The following UNC13C variants were observed in gnomAD, a reference collection of about 807,000 sequenced individuals.
UNC13C encodes the protein protein unc-13 homolog C.
In UNC13C, 174 loss-of-function variants were observed where a neutral mutation model predicts 245.4. The observed-to-expected ratio is 0.71, with a 90% CI of 0.63 to 0.80. The LOEUF is 0.80. UNC13C is among the 30% of genes least tolerant of loss of function. UNC13C has a pLI of 0.00. For missense variants in UNC13C, 2,829 were observed against 2,602.9 expected (o/e 1.09, Z -1.89); for synonymous variants, 992 against 895.1 (o/e 1.11, Z -1.93).
At chr15:54,331,764 A>G (rs1300471962) in intron 14 of UNC13C, among the ~76,000 whole-genome samples, 1 of 152,098 alleles carries the variant, frequency 6.6e-6, no homozygotes, top group Non-Finnish European at 1.5e-5. Context: ...ATCTCTTTCT[A>G]CAAAATGCAA....
intron 17 of UNC13C, among the ~76,000 whole-genome samples, chr15:54,373,951 G>C (rs911225469): frequency 4.6e-5 from 7 of 152,064 alleles, no homozygotes; most frequent in Admixed American, 4.6e-4. Flanking sequence ...CCATAGGCAG[G>C]CCATCCTGTC....
At chr15:54,167,498 C>G (rs1490637742) in intron 4 of UNC13C, among the ~76,000 whole-genome samples, 1 of 54,704 alleles carries the variant, frequency 1.8e-5, no homozygotes, top group East Asian at 4.1e-4. Context: ...CGACACTCGT[C>G]TCAAAAAAAA....
At chr15:54,079,280 A>G (rs1898807922) in intron 2 of UNC13C, among the ~76,000 whole-genome samples, 1 of 151,966 alleles carries the variant, frequency 6.6e-6, no homozygotes, top group Admixed American at 6.6e-5. Context: ...GCGTAGGATT[A>G]CTTTGGCTAT....
Position 54,014,582 on chromosome 15 carries a change from A to C in UNC13C, c.1679A>C (p.Tyr560Ser), listed in dbSNP as rs757686520. Residue 560 changes from tyrosine to serine, a missense_variant, in exon 2 of 33, where the codon TAC becomes TCC. Transcript: ENST00000260323. ...GATTTTTCCAAATTGTGTCAGTCTT[A>C]CTCAGAAGATTTTTCAGAAAATCAG... ...ESDFSKLCQS[Y>S]SEDFSENQFF... The C allele has an allele frequency of 6.2e-7, 1 of 1,613,720 alleles. No homozygotes were observed. The highest frequency in any genetic ancestry group is 8.5e-7 in the Non-Finnish European group (1 of 1,179,808).
chr15:54,335,764 T>C (rs966174816), intron 16 of UNC13C, among the ~76,000 whole-genome samples: 6 of 152,176 alleles, frequency 3.9e-5, no homozygotes, highest in Admixed American at 2.6e-4. Context: ...CATTCCCTCA[T>C]TGAGAGATGT....
chr15:54,331,074 G>A (rs1206100642), intron 14 of UNC13C, among the ~76,000 whole-genome samples: 3 of 152,004 alleles, frequency 2.0e-5, no homozygotes, highest in Non-Finnish European at 2.9e-5. Context: ...AGGCATAAGA[G>A]TTATATACCC....
chr15:54,595,531 A>G (rs763450789), intron 30 of UNC13C, among the ~76,000 whole-genome samples: 7 of 152,162 alleles, frequency 4.6e-5, no homozygotes, highest in Non-Finnish European at 8.8e-5. Flanking sequence ...TTCACAGTGC[A>G]AGCCTCCACA....
intron 2 of UNC13C, among the ~76,000 whole-genome samples, chr15:54,068,846 T>G (rs1448766894): frequency 6.6e-6 from 1 of 152,192 alleles, no homozygotes; most frequent in Non-Finnish European, 1.5e-5. Context: ...GAGGGCAAAC[T>G]ACAGGATTAG....
chr15:54,466,405 T>A (rs1445700307), intron 19 of UNC13C, among the ~76,000 whole-genome samples: 1 of 151,986 alleles, frequency 6.6e-6, no homozygotes, highest in South Asian at 2.1e-4. Context: ...TCATTTCACA[T>A]AGTATGCATG....
At chr15:54,143,175 G>C (rs1315655957) in intron 3 of UNC13C, 135 bp downstream of exon 3, 1 of 892,718 alleles carries the variant, frequency 1.1e-6, no homozygotes, top group Non-Finnish European at 1.8e-6. Flanking sequence ...TCCATTATTT[G>C]GTTGTCCTTT....
intron 19 of UNC13C, among the ~76,000 whole-genome samples, chr15:54,460,662 C>A (rs2141024869): frequency 6.6e-6 from 1 of 152,328 alleles, no homozygotes; most frequent in Non-Finnish European, 1.5e-5. Flanking sequence ...GAGTTTACGT[C>A]CTTTGTCTTC....
the UNC13C span, among the ~76,000 whole-genome samples, chr15:53,885,157 G>A: frequency 6.6e-6 from 1 of 152,212 alleles, no homozygotes; most frequent in Non-Finnish European, 1.5e-5. Context: ...CGCCTTGTCA[G>A]GCTCAGTTCT....
chr15:53,883,522 A>G, the UNC13C span, among the ~76,000 whole-genome samples: 10 of 152,202 alleles, frequency 6.6e-5, no homozygotes, highest in East Asian at 5.8e-4. Context: ...CCAAATGCCA[A>G]TCGGGTCTAT....
chr15:54,549,822 G>A (rs1896656765), intron 28 of UNC13C, 131 bp downstream of exon 28: 2 of 598,414 alleles, frequency 3.3e-6, no homozygotes, highest in Admixed American at 6.5e-5. Context: ...TTCACAATCT[G>A]CTTTAGGAAT....
At chr15:54,306,818 C>G (rs181685768) in intron 13 of UNC13C, among the ~76,000 whole-genome samples, 86 of 152,046 alleles carry the variant, frequency 5.7e-4, no homozygotes, top group Admixed American at 5.1e-3. Flanking sequence ...GTAATGTACC[C>G]TGGCACTGAC....
intron 4 of UNC13C, among the ~76,000 whole-genome samples, chr15:54,162,616 C>A (rs986758071): frequency 1.3e-5 from 2 of 152,182 alleles, no homozygotes; most frequent in African/African-American, 2.4e-5. Flanking sequence ...TCCATTGAGA[C>A]CAGCTCCAGG....
At chr15:54,005,512 G>C (rs1183586594) in intron 1 of UNC13C, among the ~76,000 whole-genome samples, 1 of 152,108 alleles carries the variant, frequency 6.6e-6, no homozygotes, top group African/African-American at 2.4e-5. Flanking sequence ...AAACATTAAT[G>C]TAATCTATAA....
At chr15:53,885,330 C>T in the UNC13C span, among the ~76,000 whole-genome samples, 799 of 152,310 alleles carry the variant, frequency 5.2e-3, 3 homozygotes, top group African/African-American at 0.019. Context: ...TCTTCCAAAG[C>T]AAGCCATTAA....
chr15:54,300,261 C>T lies in UNC13C; in HGVS notation c.4156C>T (p.Pro1386Ser), dbSNP rs181205138. The change falls in exon 13 of 33, where the codon CCA becomes TCA. Residue 1386 changes from proline to serine, a missense_variant. Pro to Ser is a moderately conservative substitution (Grantham distance 74, BLOSUM62 -1). Coordinates refer to ENST00000260323, the MANE Select transcript of UNC13C (RefSeq NM_001080534.3). The part of the protein sequence containing the change: ...EVKSNGGVKI[P>S]EVKGDEAWKV... Reference sequence around the variant, plus strand: ...GAAATCTAATGGTGGAGTGAAAATCCCAGAAGTCAAAGGGGATGAAGCCTG... The same window carrying T: ...GAAATCTAATGGTGGAGTGAAAATCTCAGAAGTCAAAGGGGATGAAGCCTG... 11 of 1,598,456 alleles carry T rather than the reference C, an allele frequency of 6.9e-6. No individual in the cohort carries two copies. In the East Asian group the frequency reaches 2.5e-4, roughly 36 times the overall value.
Sources: gnomAD v4.1 joint callset for allele counts (sites outside exome capture counted in the v4.1 genomes callset) on GRCh38, gnomAD v4.1.1 for gene constraint, MANE v1.5 for transcripts, NCBI Gene and HGNC (gene_info 2026-07-23, HGNC 2026-07-21) for gene names.